Variants in BAZ2B observed in about 807,000 individuals in gnomAD.
BAZ2B encodes the protein bromodomain adjacent to zinc finger domain 2B, also known as bromodomain adjacent to zinc finger domain protein 2B.
Under a neutral mutation model 246.0 loss-of-function variants are expected in BAZ2B, and 91 were observed. The ratio of observed to expected loss-of-function variants is 0.37; its 90% CI spans 0.31 to 0.44. The LOEUF is 0.44. Among genes scored for constraint, BAZ2B ranks in the 20% least tolerant of loss-of-function variants. BAZ2B has a pLI of 1.00. For synonymous variants in BAZ2B, 855 were observed against 860.0 expected (o/e 0.99, Z 0.10); for missense variants, 2,332 against 2,533.7 (o/e 0.92, Z 1.71).
intron 3 of BAZ2B, chr2:159,460,492 A>G (rs957564755): frequency 1.3e-5 from 2 of 152,124 alleles, no homozygotes; most frequent in African/African-American, 4.8e-5. Flanking sequence ...GCTACACAAA[A>G]TTGTTATATC....
chr2:159,514,230 T>C (rs564371877), intron 2 of BAZ2B, among the ~76,000 whole-genome samples: 1 of 152,314 alleles, frequency 6.6e-6, no homozygotes, highest in East Asian at 1.9e-4. Context: ...GAAAGTTTCA[T>C]TTGCTGATAT....
At chr2:159,347,421 C>G in intron 31 of BAZ2B, 65 bp downstream of exon 31, 1 of 1,469,348 alleles carries the variant, frequency 6.8e-7, no homozygotes, top group East Asian at 2.3e-5. Flanking sequence ...ATATATTAGG[C>G]AAGTAATAAA....
chr2:159,325,111 TATATTTTATATATATA>T (rs2063455160), intron 35 of BAZ2B, among the ~76,000 whole-genome samples, 157 bp from the exon 36 acceptor site: 1 of 2,218 alleles, frequency 4.5e-4, no homozygotes, highest in Non-Finnish European at 8.1e-4. Flanking sequence ...TATATATATA[TATATTTTATATATATA>T]TATATATATA....
intron 1 of BAZ2B, among the ~76,000 whole-genome samples, chr2:159,574,798 C>A (rs951693609): frequency 1.3e-5 from 2 of 151,804 alleles, no homozygotes; most frequent in African/African-American, 4.8e-5. Context: ...AGCCTAACCC[C>A]ATCTCTATTA....
intron 27 of BAZ2B, among the ~76,000 whole-genome samples, chr2:159,367,796 G>A (rs1049649088): frequency 2.0e-5 from 3 of 152,128 alleles, no homozygotes; most frequent in Non-Finnish European, 4.4e-5. Flanking sequence ...GCTGAGGCAG[G>A]AGAATGGCGT....
chr2:159,433,227 T>G lies in BAZ2B; in HGVS notation c.1430A>C (p.Asn477Thr). The part of the protein sequence containing the change: ...SPAHPKQTLE[N>T]NHPNPFLTNA... ...TGTCAAGAATGGATTTGGGTGGTTG[T>G]TTTCTAATGTTTGTTTTGGATGTGC... The change falls in exon 9 of 37, where the codon AAC becomes ACC. Residue 477 changes from asparagine (N) to threonine (T), a missense_variant. Asn to Thr is a moderately conservative substitution (Grantham distance 65). Transcript: ENST00000392783. 1.2e-6 allele frequency: 2 copies of G among 1,614,208 alleles called. No individual in the cohort carries two copies. The highest frequency in any genetic ancestry group is 1.7e-6 in the Non-Finnish European group (2 of 1,180,034).
the BAZ2B span, among the ~76,000 whole-genome samples, chr2:159,668,736 T>C: frequency 6.6e-6 from 1 of 152,146 alleles, no homozygotes; most frequent in Non-Finnish European, 1.5e-5. Context: ...CTTCTTAAAA[T>C]CTCAGGTCAT....
At chr2:159,432,383 C>CTAT (rs3061985) in intron 9 of BAZ2B, among the ~76,000 whole-genome samples, 69,183 of 151,614 alleles carry the variant, frequency 0.46, 17,189 homozygotes, top group Middle Eastern at 0.59. Flanking sequence ...TTCTGAATGA[C>CTAT]GACTATAATT....
At chr2:159,421,405 A>G (rs2068720993) in intron 13 of BAZ2B, among the ~76,000 whole-genome samples, 1 of 151,970 alleles carries the variant, frequency 6.6e-6, no homozygotes, top group Non-Finnish European at 1.5e-5. Flanking sequence ...GAACTCCCGG[A>G]CTTAAGCAAT....
At chr2:159,559,879 T>A (rs1268038772) in intron 1 of BAZ2B, among the ~76,000 whole-genome samples, 1 of 152,196 alleles carries the variant, frequency 6.6e-6, no homozygotes, top group Non-Finnish European at 1.5e-5. Flanking sequence ...AATGTATTGG[T>A]TATATGCTAT....
chr2:159,481,966 G>C lies in BAZ2B; in HGVS notation c.-2-3245C>G, dbSNP rs2079283880. On this transcript the variant is annotated intron_variant, in intron 2 of 36. Transcript: ENST00000392783. ...AAAATCACATAAGGTCTGTAGTTTA[G>C]TTAATAGTATTCTATCAATGTTAAT... is the stretch of plus-strand genomic sequence containing the variant. 2.0e-5 allele frequency among the ~76,000 whole-genome samples: 3 copies of C among 151,976 alleles called. No individual in the cohort carries two copies. The South Asian group carries it at 6.2e-4, about 32-fold the overall frequency.
intron 3 of BAZ2B, chr2:159,459,872 A>G (rs2076202444): frequency 1.3e-5 from 2 of 152,082 alleles, no homozygotes; most frequent in African/African-American, 4.8e-5. Context: ...AAAACTTTTG[A>G]GTTCTGCTCA....
At chr2:159,680,260 A>G in the BAZ2B span, among the ~76,000 whole-genome samples, 12 of 152,330 alleles carry the variant, frequency 7.9e-5, no homozygotes, top group African/African-American at 2.6e-4. Context: ...TAAGAAATTG[A>G]AAAATCTTTT....
the BAZ2B span, among the ~76,000 whole-genome samples, chr2:159,688,490 T>C: frequency 2.0e-5 from 3 of 152,256 alleles, no homozygotes; most frequent in Admixed American, 6.5e-5. Context: ...TCAATGTATA[T>C]TTCTGTTAAA....
chr2:159,578,257 T>C (rs1408369138), intron 1 of BAZ2B, among the ~76,000 whole-genome samples: 1 of 152,146 alleles, frequency 6.6e-6, no homozygotes, highest in Non-Finnish European at 1.5e-5. Context: ...AACAAGAAGA[T>C]TGACAAGAGC....
the BAZ2B span, among the ~76,000 whole-genome samples, chr2:159,635,495 A>G: frequency 1.3e-5 from 2 of 152,154 alleles, no homozygotes; most frequent in East Asian, 1.9e-4. Context: ...TGGGCGCCAC[A>G]CTACGCTTTA....
At chr2:159,322,073 A>T (rs1448738713) in intron 36 of BAZ2B, 1 of 152,194 alleles carries the variant, frequency 6.6e-6, no homozygotes, top group Non-Finnish European at 1.5e-5. Context: ...ATACCCTATG[A>T]GGCACTGACG....
intron 2 of BAZ2B, among the ~76,000 whole-genome samples, chr2:159,526,905 A>C (rs994903484): frequency 2.6e-5 from 4 of 151,270 alleles, no homozygotes; most frequent in Admixed American, 1.3e-4. Flanking sequence ...GCTGGAGTGC[A>C]GTGGAATCTC....
chr2:159,329,679 C>T (rs2064377509), intron 34 of BAZ2B, among the ~76,000 whole-genome samples: 1 of 152,066 alleles, frequency 6.6e-6, no homozygotes, highest in South Asian at 2.1e-4. Flanking sequence ...AACCTTAACC[C>T]TTCATTATAT....
Sources: allele counts gnomAD v4.1 joint callset (sites outside exome capture counted in the v4.1 genomes callset), GRCh38; gene constraint gnomAD v4.1.1; transcripts MANE v1.5; gene names NCBI Gene and HGNC (gene_info 2026-07-23, HGNC 2026-07-21).